ATP10B: variants seen among roughly 807,000 people sequenced by gnomAD.
The protein encoded by ATP10B is phospholipid-transporting ATPase VB.
Under a neutral mutation model 141.2 loss-of-function variants are expected in ATP10B, and 122 were observed. The observed-to-expected ratio is 0.86, with a 90% CI of 0.75 to 1.00. The LOEUF (loss-of-function observed/expected upper bound fraction) is 1.00. Among genes scored for constraint, ATP10B ranks in the 50% least tolerant of loss-of-function variants. The pLI, the probability that ATP10B is intolerant of heterozygous loss-of-function variation, is 0.00. For synonymous variants in ATP10B, 685 were observed against 692.0 expected (o/e 0.99, Z 0.16); for missense variants, 1,876 against 1,825.3 (o/e 1.03, Z -0.51).
chr5:160,848,246 A>G (rs1321788797), intron 1 of ATP10B, among the ~76,000 whole-genome samples: 1 of 152,196 alleles, frequency 6.6e-6, no homozygotes, highest in Non-Finnish European at 1.5e-5. Context: ...CTGACTTCAA[A>G]GTGAGATTTG....
At chr5:160,800,088 C>A (rs1461524967) in intron 1 of ATP10B, among the ~76,000 whole-genome samples, 1 of 152,134 alleles carries the variant, frequency 6.6e-6, no homozygotes, top group Non-Finnish European at 1.5e-5. Context: ...AGAAGCTAAG[C>A]AGCAGCAAGA....
intron 22 of ATP10B, among the ~76,000 whole-genome samples, chr5:160,593,840 A>G (rs1481531112): frequency 1.3e-5 from 2 of 152,220 alleles, no homozygotes; most frequent in African/African-American, 2.4e-5. Context: ...GAGAAAAAAG[A>G]ATAAAAAGAA....
At chr5:160,823,016 A>G (rs1343922695) in intron 1 of ATP10B, among the ~76,000 whole-genome samples, 1 of 118,618 alleles carries the variant, frequency 8.4e-6, no homozygotes, top group African/African-American at 3.2e-5. Context: ...ATATATATAT[A>G]TATATATATA....
intron 2 of ATP10B, among the ~76,000 whole-genome samples, chr5:160,719,703 A>G (rs1765881411): frequency 6.6e-6 from 1 of 152,248 alleles, no homozygotes; most frequent in African/African-American, 2.4e-5. Flanking sequence ...TAGGAAAAGT[A>G]AAATAATATG....
intron 2 of ATP10B, among the ~76,000 whole-genome samples, chr5:160,746,468 T>C (rs945189618): frequency 2.0e-5 from 3 of 151,944 alleles, no homozygotes; most frequent in Admixed American, 6.6e-5. Context: ...CTTGGCTCAC[T>C]GCAATCTCTG....
intron 3 of ATP10B, among the ~76,000 whole-genome samples, chr5:160,696,723 A>G (rs907739011): frequency 3.9e-5 from 6 of 152,196 alleles, no homozygotes; most frequent in African/African-American, 1.4e-4. Flanking sequence ...AGTCAAAACA[A>G]TAACAACAAC....
intron 6 of ATP10B, among the ~76,000 whole-genome samples, chr5:160,671,969 C>CTTTTTTTTTT (rs70990741): frequency 7.3e-5 from 5 of 68,412 alleles, no homozygotes; most frequent in Non-Finnish European, 9.7e-5. Context: ...GCAATGCATC[C>CTTTTTTTTTT]TTTTTTTTTT....
chr5:160,921,517 T>A, the ATP10B span, among the ~76,000 whole-genome samples: 1 of 152,228 alleles, frequency 6.6e-6, no homozygotes, highest in South Asian at 2.1e-4. Flanking sequence ...CTAGTTAATC[T>A]CAACTCTCCT....
chr5:160,803,689 A>T lies in ATP10B; in HGVS notation c.-575-17886T>A, dbSNP rs561382308. On this transcript the variant is annotated intron_variant, in intron 1 of 25. Coordinates refer to ENST00000327245, the MANE Select transcript of ATP10B (RefSeq NM_025153.3). Reference sequence around the variant, plus strand: ...AGACTCCATCTCAAAAAAATAAAATAAATAAAAAGAGGTTACTTGTTCAAG... The same window carrying T: ...AGACTCCATCTCAAAAAAATAAAATTAATAAAAAGAGGTTACTTGTTCAAG... Among the ~76,000 whole-genome samples the T allele has an allele frequency of 3.1e-3, 469 of 152,208 alleles. 2 individuals are homozygous for T. The highest frequency in any genetic ancestry group is 3.4e-3 in the Non-Finnish European group (233 of 68,002).
intron 3 of ATP10B, among the ~76,000 whole-genome samples, chr5:160,707,568 G>A (rs559733570): frequency 2.6e-5 from 4 of 152,276 alleles, no homozygotes; most frequent in Admixed American, 1.3e-4. Context: ...TGTAATATGC[G>A]CATGTTATGT....
intron 7 of ATP10B, among the ~76,000 whole-genome samples, chr5:160,662,323 A>G (rs1405931844): frequency 1.3e-5 from 2 of 152,254 alleles, no homozygotes; most frequent in Admixed American, 1.3e-4. Context: ...ACCAAAAAAG[A>G]GCCCGCATTG....
In ATP10B at chr5:160,620,912, G is replaced by A; in HGVS notation, c.1851C>T (p.Ser617=). 6.2e-7 allele frequency: 1 copy of A among 1,614,140 alleles called. No individual in the cohort carries two copies. Among genetic ancestry groups the A allele is most frequent in the South Asian group, 1.1e-5 (1 of 91,070 alleles). ...GGAAGAGCTGCTGAATCTTCTCCAG[G>A]GACGTCCCCAGAGCCTTGCTTGAGG... The part of the protein sequence containing the change: ...IKPSSKALGT[S]LEKIQQLFQK... The change falls in exon 15 of 26, where the codon TCC becomes TCT. Residue 617 remains serine, a synonymous_variant. Transcript: ENST00000327245.
chr5:160,862,161 G>A, the ATP10B span, among the ~76,000 whole-genome samples: 1 of 152,000 alleles, frequency 6.6e-6, no homozygotes, highest in African/African-American at 2.4e-5. Context: ...ACAGTCATCA[G>A]TTGTCTAGTT....
At chr5:160,685,282 T>C (rs1385221918) in intron 6 of ATP10B, 2 of 573,280 alleles carry the variant, frequency 3.5e-6, no homozygotes, top group African/African-American at 3.8e-5. Flanking sequence ...CTTGCCTTCT[T>C]TGCTGAAAAT....
intron 9 of ATP10B, 122 bp downstream of exon 9, chr5:160,644,016 G>A: frequency 1.3e-6 from 1 of 759,954 alleles, no homozygotes; most frequent in Non-Finnish European, 2.3e-6. Context: ...TGAGAAATGG[G>A]AAGTTACATG....
intron 2 of ATP10B, among the ~76,000 whole-genome samples, chr5:160,754,217 T>A (rs1768354789): frequency 2.0e-5 from 3 of 152,186 alleles, no homozygotes; most frequent in African/African-American, 7.2e-5. Flanking sequence ...ATAATAAAAA[T>A]CTGTCAAGAA....
intron 7 of ATP10B, among the ~76,000 whole-genome samples, chr5:160,669,832 C>T (rs1175008155): frequency 8.1e-5 from 12 of 147,782 alleles, no homozygotes. Flanking sequence ...GAACTCCTGG[C>T]CTCAAGTGAT....
chr5:160,660,311 C>T (rs747013895), intron 7 of ATP10B, among the ~76,000 whole-genome samples: 5 of 152,148 alleles, frequency 3.3e-5, no homozygotes, highest in East Asian at 1.9e-4. Flanking sequence ...AGACCACTAA[C>T]GTTATGTGAA....
At chr5:160,634,274 G>A in intron 12 of ATP10B, 80 bp downstream of exon 12, 4 of 1,589,176 alleles carry the variant, frequency 2.5e-6, no homozygotes, top group Non-Finnish European at 3.5e-6. Context: ...CCAGGAGAAT[G>A]TCTTTTATCT....
Sources: allele counts gnomAD v4.1 joint callset (sites outside exome capture counted in the v4.1 genomes callset), GRCh38; gene constraint gnomAD v4.1.1; transcripts MANE v1.5; gene names NCBI Gene and HGNC (gene_info 2026-07-23, HGNC 2026-07-21).